The following OR5M3 variants were observed in gnomAD, a reference collection of about 807,000 sequenced individuals.
OR5M3 encodes olfactory receptor 5M3.
For missense variants in OR5M3, 384 were observed against 378.6 expected (o/e 1.01, Z -0.12); for synonymous variants, 129 against 131.3 (o/e 0.98, Z 0.12).
At position 56,469,381 on chromosome 11, in the gene OR5M3, A is replaced by C. The variant is rs909852110; in HGVS notation, c.*193T>G. On this transcript the variant is annotated 3_prime_UTR_variant, in exon 2 of 2. Transcript: ENST00000641993. The stretch of plus-strand genomic sequence containing the variant: ...TCACAGTTTCAATTAACTTATTTGT[A>C]TGTAATTAATCTCCATACTCACATC... 42 of 432,554 alleles carry C rather than the reference A, an allele frequency of 9.7e-5. 1 individual carries two copies. Among genetic ancestry groups the C allele is most frequent in the Admixed American group, 6.7e-4 (17 of 25,422 alleles). 26.8% of individuals were successfully genotyped at this position (432,554 alleles called of 1,614,324 possible). A position where few individuals can be genotyped will look rare whatever the true frequency, so the allele number is the denominator to read the frequency against.
In OR5M3 at chr11:56,469,285, A is replaced by G. The variant is rs1279925340; in HGVS notation, c.*289T>C. The G allele has an allele frequency of 4.4e-5, 10 of 229,366 alleles. No individual in the cohort carries two copies. The East Asian group carries it at 8.0e-4, about 18-fold the overall frequency. 14.2% of individuals were successfully genotyped at this position (229,366 alleles called of 1,614,324 possible). A position where few individuals can be genotyped will look rare whatever the true frequency, so the allele number is the denominator to read the frequency against. ...TAAATTCATGCACCTGCACTTTTCAATAAGAAAACGTCTTTTGGTTGCAGC... is the reference window on the plus strand; with the variant it reads ...TAAATTCATGCACCTGCACTTTTCAGTAAGAAAACGTCTTTTGGTTGCAGC... On this transcript the variant is annotated 3_prime_UTR_variant, in exon 2 of 2. Transcript: ENST00000641993.
intron 1 of OR5M3, among the ~76,000 whole-genome samples, chr11:56,472,681 A>T (rs1002234204): frequency 1.3e-5 from 2 of 152,140 alleles, no homozygotes; most frequent in Non-Finnish European, 2.9e-5. Flanking sequence ...AAGAGTATTT[A>T]GAGAATTTCC....
chr11:56,470,480 A>G lies in OR5M3; in HGVS notation c.18T>C (p.Asp6=), dbSNP rs774930416. The G allele has an allele frequency of 6.3e-7, 1 of 1,575,338 alleles. No individual in the cohort carries two copies. The highest frequency in any genetic ancestry group is 8.6e-7 in the Non-Finnish European group (1 of 1,162,770). MLNFT[D]VTEFILLGLT... ...GCCCCAAAAGAATGAACTCTGTCAC[A>G]TCGGTGAAATTGAGCATTTTCTGAA... The change falls in exon 2 of 2, where the codon GAT becomes GAC. Residue 6 remains aspartate (D), a synonymous_variant. Transcript: ENST00000641993.
chr11:56,470,571 A>G (rs35496190), intron 1 of OR5M3, 30 bp from the exon 2 acceptor site: 170,330 of 788,712 alleles, frequency 0.22, 20,408 homozygotes, highest in Non-Finnish European at 0.24. Flanking sequence ...ATATTAGAAT[A>G]TTTATTTATT....
intron 1 of OR5M3, among the ~76,000 whole-genome samples, chr11:56,471,281 G>T (rs1323992017): frequency 6.6e-6 from 1 of 152,014 alleles, no homozygotes; most frequent in African/African-American, 2.4e-5. Context: ...AAACTTGAAT[G>T]TATTCTCATA....
In OR5M3 at chr11:56,469,640, C is replaced by G. The variant is rs759408662; in HGVS notation, c.858G>C (p.Met286Ile). ...CATCCTTGTTCCTCAGACTGTAGAT[C>G]ATGGGATTCAACATGGGGATCACTG... ...YTTVIPMLNP[M>I]IYSLRNKDVK... is the part of the protein sequence containing the mutation. The change falls in exon 2 of 2, where the codon ATG (methionine) becomes ATC (isoleucine). Residue 286 changes from methionine (M) to isoleucine (I), a missense_variant. Met to Ile is a conservative substitution (Grantham distance 10). Coordinates refer to ENST00000641993, the MANE Select transcript of OR5M3 (RefSeq NM_001004742.3). 24 of 1,554,216 alleles carry G rather than the reference C, an allele frequency of 1.5e-5. No homozygotes were observed. The highest frequency in any genetic ancestry group is 2.0e-5 in the Non-Finnish European group (23 of 1,141,580).
chr11:56,472,288 T>G (rs1180126276), intron 1 of OR5M3, among the ~76,000 whole-genome samples: 1 of 152,092 alleles, frequency 6.6e-6, no homozygotes, highest in Non-Finnish European at 1.5e-5. Context: ...TATTTATATA[T>G]AGACTGTAAA....
chr11:56,470,051 A>G lies in OR5M3; in HGVS notation c.447T>C (p.Tyr149=), dbSNP rs1177887449. The part of the protein sequence containing the change: ...CIRLITFPYI[Y]GFLTSLAATL... The stretch of plus-strand genomic sequence containing the variant: ...TTGCTGCCAGACTCGTCAGAAAACC[A>G]TAAATGTAAGGGAAAGTAATCAGTC... The change falls in exon 2 of 2, where the codon TAT becomes TAC. Residue 149 remains tyrosine, a synonymous_variant. Coordinates refer to ENST00000641993, the MANE Select transcript of OR5M3 (RefSeq NM_001004742.3). The G allele has an allele frequency of 6.2e-6, 10 of 1,612,170 alleles. No homozygotes were observed. The highest frequency in any genetic ancestry group is 1.7e-5 in the Admixed American group (1 of 59,940).
In OR5M3 at chr11:56,469,903, T is replaced by A; in HGVS notation, c.595A>T (p.Ile199Leu). Reference protein sequence around the residue: ...GTFVKEYTMIILAGINFTYSL... With the variant: ...GTFVKEYTMILLAGINFTYSL... ...TATGTGAAGTTAATGCCGGCAAGTA[T>A]GATCATTGTATATTCTTTTACAAAG... Residue 199 changes from isoleucine (I) to leucine (L), a missense_variant, in exon 2 of 2, where the codon ATA becomes TTA. By Grantham distance (5) the Ile-to-Leu change is conservative. Coordinates refer to ENST00000641993, the MANE Select transcript of OR5M3 (RefSeq NM_001004742.3). 6.2e-7 allele frequency: 1 copy of A among 1,613,056 alleles called. No homozygotes were observed. Among genetic ancestry groups the A allele is most frequent in the South Asian group, 1.1e-5 (1 of 91,060 alleles).
chr11:56,472,405 G>A (rs1945206), intron 1 of OR5M3, among the ~76,000 whole-genome samples: 16,902 of 151,932 alleles, frequency 0.11, 1,064 homozygotes, highest in East Asian at 0.14. Context: ...AACAGTTTAT[G>A]TCTGTGGCTG....
Position 56,469,693 on chromosome 11 carries a change from C to T in OR5M3, c.805G>A (p.Gly269Arg), listed in dbSNP as rs1301563009. 6.2e-7 allele frequency: 1 copy of T among 1,605,190 alleles called. No homozygotes were observed. Among genetic ancestry groups the T allele is most frequent in the Admixed American group, 1.7e-5 (1 of 59,750 alleles). Residue 269 changes from glycine (G) to arginine (R), a missense_variant, in exon 2 of 2, where the codon GGG (glycine) becomes AGG (arginine). By Grantham distance (125) the Gly-to-Arg change is moderately radical (BLOSUM62 -2). Transcript: ENST00000641993. The stretch of plus-strand genomic sequence containing the variant: ...GTATAGAACACAGCCACCATCTTCC[C>T]CTGCTCCACAGACTCCTCTGTGGGA... ...RRPTEESVEQ[G>R]KMVAVFYTTV...
Position 56,470,392 on chromosome 11 carries a change from T to C in OR5M3, c.106A>G (p.Thr36Ala), listed in dbSNP as rs199856712. The C allele has an allele frequency of 1.2e-6, 2 of 1,613,406 alleles. No homozygotes were observed. The highest frequency in any genetic ancestry group is 2.2e-5 in the East Asian group (1 of 44,880). Reference sequence around the variant, plus strand: ...ATCATGCCGATATTGCCCACCATGGTGATGATGTAGACCACAAGAAAGATG... The same window carrying C: ...ATCATGCCGATATTGCCCACCATGGCGATGATGTAGACCACAAGAAAGATG... ...FIIFLVVYII[T>A]MVGNIGMMVL... Residue 36 changes from threonine (T) to alanine (A), a missense_variant, in exon 2 of 2, where the codon ACC becomes GCC. Coordinates refer to ENST00000641993, the MANE Select transcript of OR5M3 (RefSeq NM_001004742.3).
At chr11:56,471,726 T>C (rs1853669332) in intron 1 of OR5M3, among the ~76,000 whole-genome samples, 1 of 152,026 alleles carries the variant, frequency 6.6e-6, no homozygotes, top group South Asian at 2.1e-4. Flanking sequence ...ATTTCTCTCA[T>C]ATATGTATGA....
In OR5M3 at chr11:56,469,564, T is replaced by A. The variant is rs752357640; in HGVS notation, c.*10A>T. ...AAGATAAAATTAAATCAAATTTGATTTTATTTTGTTTAACATGATCTGCTG... is the reference window on the plus strand; with the variant it reads ...AAGATAAAATTAAATCAAATTTGATATTATTTTGTTTAACATGATCTGCTG... On this transcript the variant is annotated 3_prime_UTR_variant, in exon 2 of 2. Transcript: ENST00000641993. 1.3e-5 allele frequency: 19 copies of A among 1,464,788 alleles called. No individual in the cohort carries two copies. The highest frequency in any genetic ancestry group is 1.7e-5 in the Non-Finnish European group (19 of 1,094,448). The allele number at this position is 1,464,788 out of a possible 1,614,324, so 90.7% of individuals were successfully genotyped here. A position where few individuals can be genotyped will look rare whatever the true frequency, so the allele number is the denominator to read the frequency against.
Position 56,469,773 on chromosome 11 carries a change from T to C in OR5M3, c.725A>G (p.His242Arg), listed in dbSNP as rs1853643982. Reference sequence around the variant, plus strand: ...ATAGAATATAATGACAGCTGTCAGATGGGACCCACATGTGGAAAAGGCCTT... The same window carrying C: ...ATAGAATATAATGACAGCTGTCAGACGGGACCCACATGTGGAAAAGGCCTT... ...RQKAFSTCGS[H>R]LTAVIIFYGT... Residue 242 changes from histidine to arginine, a missense_variant, in exon 2 of 2, where the codon CAT (histidine) becomes CGT (arginine). His to Arg is a conservative substitution (Grantham distance 29). Transcript: ENST00000641993. 9 of 1,613,072 alleles carry C rather than the reference T, an allele frequency of 5.6e-6. No homozygotes were observed. Among genetic ancestry groups the C allele is most frequent in the Non-Finnish European group, 7.6e-6 (9 of 1,179,278 alleles).
At chr11:56,473,060 C>A (rs972865996) in intron 1 of OR5M3, among the ~76,000 whole-genome samples, 161 bp downstream of exon 1, 1 of 152,004 alleles carries the variant, frequency 6.6e-6, no homozygotes, top group African/African-American at 2.4e-5. Context: ...TTGTAATTAT[C>A]AAATAATATA....
intron 1 of OR5M3, among the ~76,000 whole-genome samples, chr11:56,470,992 G>A (rs1475243969): frequency 6.6e-6 from 1 of 151,942 alleles, no homozygotes; most frequent in East Asian, 1.9e-4. Flanking sequence ...AGCCTAAAAT[G>A]TTATAAAAAT....
At chr11:56,472,826 T>C (rs2134837503) in intron 1 of OR5M3, among the ~76,000 whole-genome samples, 1 of 151,860 alleles carries the variant, frequency 6.6e-6, no homozygotes, top group Middle Eastern at 3.4e-3. Flanking sequence ...GTTAAAGTGT[T>C]CTGTTTCTAT....
chr11:56,469,528 AC>A lies in OR5M3; in HGVS notation c.*45del. ...GTACTGGGTAATAAACTTTTTCCAAACAAATAATAGAAGATAAAATTAAATC... is the reference window on the plus strand; with the variant it reads ...GTACTGGGTAATAAACTTTTTCCAAAAAATAATAGAAGATAAAATTAAATC... On this transcript the variant is annotated 3_prime_UTR_variant, in exon 2 of 2. Coordinates refer to ENST00000641993, the MANE Select transcript of OR5M3 (RefSeq NM_001004742.3). 1 of 1,299,090 alleles carries A rather than the reference AC, an allele frequency of 7.7e-7. No homozygotes were observed. Among genetic ancestry groups the A allele is most frequent in the East Asian group, 2.5e-5 (1 of 40,136 alleles). The allele number at this position is 1,299,090 out of a possible 1,614,324, so 80.5% of individuals were successfully genotyped here.
Sources: allele counts gnomAD v4.1 joint callset (sites outside exome capture counted in the v4.1 genomes callset), GRCh38; gene constraint gnomAD v4.1.1; transcripts MANE v1.5; gene names NCBI Gene and HGNC (gene_info 2026-07-23, HGNC 2026-07-21).